ZNF609: variants seen among roughly 807,000 people sequenced by gnomAD.
ZNF609 encodes the protein zinc finger protein 609.
Under a neutral mutation model 109.5 loss-of-function variants are expected in ZNF609, and 11 were observed. The observed-to-expected ratio is 0.10, with a 90% CI of 0.06 to 0.17. The LOEUF (loss-of-function observed/expected upper bound fraction) is 0.17. Among genes scored for constraint, ZNF609 ranks in the 10% least tolerant of loss-of-function variants. The probability of loss-of-function intolerance (pLI) is 1.00; values close to 1 mark genes in which losing one functional copy is unlikely to be tolerated. For synonymous variants in ZNF609, 646 were observed against 662.0 expected (o/e 0.98, Z 0.37); for missense variants, 1,559 against 1,772.4 (o/e 0.88, Z 2.16).
At chr15:64,478,225 G>T (rs987869534) in intron 1 of ZNF609, among the ~76,000 whole-genome samples, 2 of 150,620 alleles carry the variant, frequency 1.3e-5, no homozygotes, top group Non-Finnish European at 3.0e-5. Context: ...GTCTTGCTGT[G>T]TTGCCCAGGT....
rs1339468268 is a variant in ZNF609 at position 64,666,645 on chromosome 15, G to A, written c.974-3701G>A. 2.0e-5 allele frequency among the ~76,000 whole-genome samples: 3 copies of A among 151,676 alleles called. No homozygotes were observed. In the East Asian group the frequency reaches 5.9e-4, roughly 30 times the overall value. ...TCTTGCCACAGCCTCCTGAGTAGCT[G>A]GGACTACAGGCGCCCACCACCACGC... is the stretch of plus-strand genomic sequence containing the variant. On this transcript the variant is annotated intron_variant, in intron 3 of 9. Transcript: ENST00000326648.
intron 1 of ZNF609, among the ~76,000 whole-genome samples, chr15:64,471,090 G>A (rs552424979): frequency 1.3e-3 from 193 of 152,148 alleles, no homozygotes; most frequent in Non-Finnish European, 1.4e-3. Flanking sequence ...GTCCAGGCAC[G>A]GTGGCTCACA....
chr15:64,675,377 C>T lies in ZNF609; in HGVS notation c.2523C>T (p.Asn841=). The change falls in exon 5 of 10, where the codon AAC becomes AAT. Residue 841 remains asparagine (N), a synonymous_variant. Coordinates refer to ENST00000326648, the MANE Select transcript of ZNF609 (RefSeq NM_015042.2). ...NGAEASSVKT[N]SPAYSDISDA... The stretch of plus-strand genomic sequence containing the variant: ...CTGAAGCCAGCTCAGTCAAAACCAA[C>T]AGCCCTGCATACTCTGACATCTCTG... 1 of 1,614,082 alleles carries T rather than the reference C, an allele frequency of 6.2e-7. No individual in the cohort carries two copies. Among genetic ancestry groups the T allele is most frequent in the South Asian group, 1.1e-5 (1 of 91,058 alleles).
intron 4 of ZNF609, among the ~76,000 whole-genome samples, chr15:64,672,087 A>G (rs1896738859): frequency 7.5e-6 from 1 of 133,832 alleles, no homozygotes; most frequent in Non-Finnish European, 1.5e-5. Flanking sequence ...GTCTTGGCTC[A>G]CTGCAAGCTC....
intron 2 of ZNF609, among the ~76,000 whole-genome samples, chr15:64,530,807 A>T (rs1894049984): frequency 6.6e-6 from 1 of 152,196 alleles, no homozygotes; most frequent in Admixed American, 6.5e-5. Context: ...GTTTTCTATT[A>T]AAGTATACAT....
At chr15:64,600,319 G>A (rs955096325) in intron 2 of ZNF609, among the ~76,000 whole-genome samples, 11 of 151,654 alleles carry the variant, frequency 7.3e-5, no homozygotes, top group Non-Finnish European at 1.5e-4. Flanking sequence ...GCATGGTGGC[G>A]GGCACCTGTA....
intron 2 of ZNF609, among the ~76,000 whole-genome samples, chr15:64,593,520 C>G (rs1212534382): frequency 6.6e-6 from 1 of 152,078 alleles, no homozygotes. Context: ...AATAAGTCAT[C>G]CAGAATGTTC....
intron 2 of ZNF609, among the ~76,000 whole-genome samples, chr15:64,614,980 G>C (rs1036424377): frequency 6.6e-6 from 1 of 151,854 alleles, no homozygotes; most frequent in East Asian, 1.9e-4. Context: ...CACCACACCC[G>C]GCTAATTTTT....
chr15:64,670,010 T>C lies in ZNF609; in HGVS notation c.974-336T>C, dbSNP rs74767782. On this transcript the variant is annotated intron_variant, in intron 3 of 9. Coordinates refer to ENST00000326648, the MANE Select transcript of ZNF609 (RefSeq NM_015042.2). ...ATTATCCAGGTGTGGTGACATGCTCTTGTGATCCCAGCTACTTGGGAGACT... is the reference window on the plus strand; with the variant it reads ...ATTATCCAGGTGTGGTGACATGCTCCTGTGATCCCAGCTACTTGGGAGACT... 0.024 allele frequency among the ~76,000 whole-genome samples: 3,664 copies of C among 152,250 alleles called. 251 individuals carry two copies. In the South Asian group the frequency reaches 0.28, roughly 12 times the overall value.
intron 3 of ZNF609, among the ~76,000 whole-genome samples, chr15:64,624,688 C>A (rs1421381198): frequency 6.6e-6 from 1 of 151,410 alleles, no homozygotes; most frequent in African/African-American, 2.4e-5. Context: ...TTTTGTAAAT[C>A]GTTTGCACTG....
At chr15:64,558,432 T>C (rs190422612) in intron 2 of ZNF609, among the ~76,000 whole-genome samples, 29 of 152,350 alleles carry the variant, frequency 1.9e-4, no homozygotes, top group African/African-American at 6.3e-4. Flanking sequence ...TAGGTAAATA[T>C]ATGGAATACT....
chr15:64,582,413 T>C (rs1452928850), intron 2 of ZNF609, among the ~76,000 whole-genome samples: 2 of 152,210 alleles, frequency 1.3e-5, no homozygotes, highest in Non-Finnish European at 2.9e-5. Flanking sequence ...ACACCCTTCC[T>C]CTGGAATCTC....
At chr15:64,479,009 T>C (rs1893211843) in intron 1 of ZNF609, among the ~76,000 whole-genome samples, 1 of 152,182 alleles carries the variant, frequency 6.6e-6, no homozygotes, top group Non-Finnish European at 1.5e-5. Context: ...ATAGCTTGTT[T>C]GCTGCTGTTT....
chr15:64,536,598 C>T lies in ZNF609; in HGVS notation c.747+36432C>T, dbSNP rs114376917. On this transcript the variant is annotated intron_variant, in intron 2 of 9. Transcript: ENST00000326648. ...GACTTAATGAAATACTAGAACTGGC[C>T]GGGCTCAGTGGCACATGTCTGTAAT... Among the ~76,000 whole-genome samples the T allele has an allele frequency of 2.4e-3, 365 of 151,946 alleles. 2 individuals are homozygous for T. The highest frequency in any genetic ancestry group is 8.5e-3 in the African/African-American group (351 of 41,432).
At position 64,563,407 on chromosome 15, in the gene ZNF609, C is replaced by T. The variant is rs1894714607; in HGVS notation, c.748-59420C>T. Among the ~76,000 whole-genome samples the T allele has an allele frequency of 3.3e-5, 5 of 150,836 alleles. No homozygotes were observed. In the South Asian group the frequency reaches 1.0e-3, roughly 32 times the overall value. ...TCGAGGCTGCAGTGAGCCATGATCG[C>T]ATCACTGCACTCCAGCCTGGGTGGT... On this transcript the variant is annotated intron_variant, in intron 2 of 9. Coordinates refer to ENST00000326648, the MANE Select transcript of ZNF609 (RefSeq NM_015042.2).
chr15:64,588,426 T>TAAAA (rs1167575851), intron 2 of ZNF609, among the ~76,000 whole-genome samples: 1 of 5,896 alleles, frequency 1.7e-4, no homozygotes, highest in Non-Finnish European at 4.4e-4. Context: ...ACACTCTGTC[T>TAAAA]AAAAAAAAAA....
chr15:64,477,778 G>A (rs1018358448), intron 1 of ZNF609, among the ~76,000 whole-genome samples: 4 of 152,072 alleles, frequency 2.6e-5, no homozygotes, highest in Admixed American at 6.6e-5. Context: ...ACAGGCATGC[G>A]CCACCGCGCC....
intron 3 of ZNF609, among the ~76,000 whole-genome samples, chr15:64,658,565 TACACAC>T (rs112798266): frequency 2.7e-5 from 4 of 150,752 alleles, no homozygotes; most frequent in Non-Finnish European, 5.9e-5. Context: ...TTGAAAGATA[TACACAC>T]ACACACACAC....
chr15:64,540,138 G>T (rs1337230280), intron 2 of ZNF609, among the ~76,000 whole-genome samples: 2 of 152,146 alleles, frequency 1.3e-5, no homozygotes, highest in Non-Finnish European at 2.9e-5. Context: ...CTTATGTTAG[G>T]ATTCTTTTCT....
Sources: gnomAD v4.1 joint callset for allele counts (sites outside exome capture counted in the v4.1 genomes callset) on GRCh38, gnomAD v4.1.1 for gene constraint, MANE v1.5 for transcripts, NCBI Gene and HGNC (gene_info 2026-07-23, HGNC 2026-07-21) for gene names.